The following ACBD6 variants were observed in gnomAD, a reference collection of about 807,000 sequenced individuals.
ACBD6 encodes acyl-CoA binding domain containing 6.
ACBD6 carries 28 observed loss-of-function variants against 37.2 expected under a neutral mutation model. That is an observed-to-expected ratio of 0.75 (90% CI 0.56 to 1.03). ACBD6 has a LOEUF of 1.03. Ranked by LOEUF, ACBD6 falls within the 50% of genes least tolerant of loss-of-function variation. The pLI is 0.00. For synonymous variants in ACBD6, 113 were observed against 126.8 expected (o/e 0.89, Z 0.73); for missense variants, 340 against 337.4 (o/e 1.01, Z -0.06).
intron 3 of ACBD6, among the ~76,000 whole-genome samples, chr1:180,466,514 G>A (rs1446826256): frequency 1.3e-5 from 2 of 152,154 alleles, no homozygotes; most frequent in Non-Finnish European, 1.5e-5. Flanking sequence ...TGCAATGAGA[G>A]CTTGACACTT....
downstream of ACBD6, among the ~76,000 whole-genome samples, chr1:180,286,289 G>C (rs1649494664): frequency 6.6e-6 from 1 of 152,106 alleles, no homozygotes; most frequent in South Asian, 2.1e-4. Flanking sequence ...TAAAATAAAA[G>C]ATAAGTTATA....
At position 180,288,260 on chromosome 1, in the gene ACBD6, C is replaced by T. The variant is rs930381143; in HGVS notation, c.*103G>A. ...GTTCCACAGAACTGATTTTATTAGC[C>T]AATACATACCAAAGACGGGTGGAAA... is the stretch of plus-strand genomic sequence containing the variant. On this transcript the variant is annotated 3_prime_UTR_variant, in exon 8 of 8. Transcript: ENST00000367595. 5 of 1,506,394 alleles carry T rather than the reference C, an allele frequency of 3.3e-6. No individual in the cohort carries two copies. Among genetic ancestry groups the T allele is most frequent in the African/African-American group, 2.7e-5 (2 of 72,850 alleles). The allele number at this position is 1,506,394 out of a possible 1,614,324, so 93.3% of individuals were successfully genotyped here.
chr1:180,443,929 C>T (rs1649384931), intron 3 of ACBD6, among the ~76,000 whole-genome samples: 1 of 151,806 alleles, frequency 6.6e-6, no homozygotes, highest in African/African-American at 2.4e-5. Flanking sequence ...GGCCATTTCC[C>T]TTCTTTTGTA....
intron 3 of ACBD6, chr1:180,435,956 C>G (rs2102005500): frequency 4.2e-6 from 5 of 1,177,620 alleles, no homozygotes; most frequent in Admixed American, 3.5e-5. Flanking sequence ...GAATACTGTA[C>G]AATTGTTTAA....
At chr1:180,415,146 G>T (rs750046082) in intron 4 of ACBD6, among the ~76,000 whole-genome samples, 35 of 151,864 alleles carry the variant, frequency 2.3e-4, no homozygotes, top group Non-Finnish European at 4.3e-4. Flanking sequence ...CAAACATCAG[G>T]TCTGCATTTT....
At chr1:180,304,416 A>G (rs1337350623) in intron 7 of ACBD6, among the ~76,000 whole-genome samples, 16 of 151,152 alleles carry the variant, frequency 1.1e-4, no homozygotes, top group Non-Finnish European at 8.9e-5. Flanking sequence ...AAGTCTCAGG[A>G]TACAAAATCA....
intron 5 of ACBD6, among the ~76,000 whole-genome samples, chr1:180,401,480 TA>T (rs553076355): frequency 6.6e-6 from 1 of 151,166 alleles, no homozygotes; most frequent in Admixed American, 6.6e-5. Flanking sequence ...ATCACAAAAT[TA>T]AAAAAAAGAG....
chr1:180,362,649 G>A (rs1652893614), intron 6 of ACBD6, among the ~76,000 whole-genome samples: 4 of 152,078 alleles, frequency 2.6e-5, no homozygotes, highest in South Asian at 4.1e-4. Flanking sequence ...TTTCTTAGCT[G>A]TTGGCAATGA....
chr1:180,349,187 T>C (rs1652304829), intron 6 of ACBD6, among the ~76,000 whole-genome samples: 1 of 151,948 alleles, frequency 6.6e-6, no homozygotes, highest in Non-Finnish European at 1.5e-5. Context: ...CGAACTTGCA[T>C]GTCAGGGGCC....
chr1:180,312,073 T>A (rs1349764647), intron 7 of ACBD6, among the ~76,000 whole-genome samples: 1 of 152,172 alleles, frequency 6.6e-6, no homozygotes, highest in African/African-American at 2.4e-5. Flanking sequence ...GGCTCCTTTA[T>A]CTTCCATATG....
chr1:180,325,170 C>T (rs1370927517), intron 6 of ACBD6, among the ~76,000 whole-genome samples: 1 of 152,116 alleles, frequency 6.6e-6, no homozygotes, highest in Non-Finnish European at 1.5e-5. Context: ...CACTATCCCT[C>T]TGAATAAACT....
chr1:180,300,137 C>T (rs530275906), intron 7 of ACBD6, among the ~76,000 whole-genome samples: 2 of 152,222 alleles, frequency 1.3e-5, no homozygotes, highest in East Asian at 3.9e-4. Context: ...CTGTCAAGCC[C>T]AACCATAATT....
intron 3 of ACBD6, among the ~76,000 whole-genome samples, chr1:180,449,152 TGAAA>T (rs1283413129): frequency 6.6e-6 from 1 of 152,192 alleles, no homozygotes; most frequent in East Asian, 1.9e-4. Flanking sequence ...CATGATTTCA[TGAAA>T]GAGAGATTTA....
At chr1:180,447,531 C>T (rs548050186) in intron 3 of ACBD6, among the ~76,000 whole-genome samples, 12 of 152,082 alleles carry the variant, frequency 7.9e-5, no homozygotes, top group African/African-American at 2.9e-4. Flanking sequence ...AAAACTAAGG[C>T]GCAATATGTA....
At chr1:180,319,598 G>A (rs766209990) in intron 6 of ACBD6, among the ~76,000 whole-genome samples, 2 of 152,052 alleles carry the variant, frequency 1.3e-5, no homozygotes, top group Non-Finnish European at 2.9e-5. Context: ...TTAGGTCTTA[G>A]TCATTCTAAC....
At chr1:180,319,034 G>A (rs1428785692) in intron 6 of ACBD6, among the ~76,000 whole-genome samples, 1 of 152,086 alleles carries the variant, frequency 6.6e-6, no homozygotes. Flanking sequence ...AGAATTTTGA[G>A]ATTATTATTA....
intron 3 of ACBD6, among the ~76,000 whole-genome samples, chr1:180,488,666 CT>C (rs1199907448): frequency 6.6e-6 from 1 of 152,052 alleles, no homozygotes; most frequent in African/African-American, 2.4e-5. Flanking sequence ...CCCTGAACTC[CT>C]ACGTTCAATG....
chr1:180,456,144 G>A (rs570430636), intron 3 of ACBD6, among the ~76,000 whole-genome samples: 3 of 151,322 alleles, frequency 2.0e-5, no homozygotes, highest in Non-Finnish European at 2.9e-5. Context: ...CCTAGGAGGC[G>A]GAGGTTGCAG....
chr1:180,451,424 A>G (rs1460411080), intron 3 of ACBD6, among the ~76,000 whole-genome samples: 1 of 152,228 alleles, frequency 6.6e-6, no homozygotes, highest in Non-Finnish European at 1.5e-5. Context: ...AAACTTGCAC[A>G]CAAATGTTCA....
Sources: gnomAD v4.1 joint callset for allele counts (sites outside exome capture counted in the v4.1 genomes callset) on GRCh38, gnomAD v4.1.1 for gene constraint, MANE v1.5 for transcripts, NCBI Gene and HGNC (gene_info 2026-07-23, HGNC 2026-07-21) for gene names.